RHOA: variants seen among roughly 807,000 people sequenced by gnomAD.
RHOA encodes the protein transforming protein RhoA.
RHOA carries 3 observed loss-of-function variants against 17.5 expected under a neutral mutation model. That is an observed-to-expected ratio of 0.17 (90% confidence interval 0.08 to 0.44). The LOEUF is 0.44. Among genes scored for constraint, RHOA ranks in the 20% least tolerant of loss-of-function variants. The pLI is 0.99. For synonymous variants in RHOA, 98 were observed against 88.4 expected (o/e 1.11, Z -0.61); for missense variants, 56 against 242.3 (o/e 0.23, Z 5.10).
intron 1 of RHOA, among the ~76,000 whole-genome samples, chr3:49,388,455 A>G (rs1362766585): frequency 6.6e-6 from 1 of 152,220 alleles, no homozygotes; most frequent in African/African-American, 2.4e-5. Flanking sequence ...ACTATAGCTC[A>G]TCTGCATTGC....
chr3:49,396,564 G>A (rs911466346), intron 1 of RHOA, among the ~76,000 whole-genome samples: 5 of 151,924 alleles, frequency 3.3e-5, no homozygotes, highest in African/African-American at 4.8e-5. Flanking sequence ...AAAATTAGCC[G>A]GACATGATGG....
At chr3:49,402,090 A>G (rs114776462) in intron 1 of RHOA, among the ~76,000 whole-genome samples, 2,263 of 152,278 alleles carry the variant, frequency 0.015, 46 homozygotes, top group African/African-American at 0.051. Flanking sequence ...TTCTTTGGGG[A>G]AAGACAGGCA....
intron 1 of RHOA, among the ~76,000 whole-genome samples, chr3:49,402,517 T>C: frequency 6.6e-6 from 1 of 151,132 alleles, no homozygotes; most frequent in Non-Finnish European, 1.5e-5. Flanking sequence ...CTATAAAAAT[T>C]AAATTAATTA....
intron 1 of RHOA, among the ~76,000 whole-genome samples, chr3:49,403,038 T>TAAA (rs34145759): frequency 1.4e-4 from 19 of 136,158 alleles, no homozygotes; most frequent in African/African-American, 2.5e-4. Context: ...TTCCATCTCA[T>TAAA]AAAAAAAAAA....
In RHOA at chr3:49,360,059, G is replaced by A. The variant is rs2047936223; in HGVS notation, c.*150C>T. On this transcript the variant is annotated 3_prime_UTR_variant, in exon 5 of 5. Transcript: ENST00000418115. ...GGGTTGGACATCGTTAATAATCATA[G>A]TTGGCTTCTAAATACTGGTAGCAAG... 19 of 902,978 alleles carry A rather than the reference G, an allele frequency of 2.1e-5. No individual in the cohort carries two copies. The highest frequency in any genetic ancestry group is 2.9e-5 in the Non-Finnish European group (18 of 616,250). The allele number at this position is 902,978 out of a possible 1,614,324, so 55.9% of individuals were successfully genotyped here. A position where few individuals can be genotyped will look rare whatever the true frequency, so the allele number is the denominator to read the frequency against.
At chr3:49,382,051 G>A (rs1407053195) in intron 1 of RHOA, among the ~76,000 whole-genome samples, 1 of 152,042 alleles carries the variant, frequency 6.6e-6, no homozygotes, top group Non-Finnish European at 1.5e-5. Context: ...CGGGCATGGT[G>A]GCTCACACCT....
At chr3:49,396,241 G>A (rs1037427916) in intron 1 of RHOA, among the ~76,000 whole-genome samples, 1 of 152,108 alleles carries the variant, frequency 6.6e-6, no homozygotes, top group Admixed American at 6.6e-5. Flanking sequence ...TTGAGAAAAC[G>A]TGGGCACTGA....
Position 49,360,149 on chromosome 3 carries a change from T to G in RHOA, c.*60A>C. The G allele has an allele frequency of 6.7e-7, 1 of 1,500,238 alleles. No homozygotes were observed. The highest frequency in any genetic ancestry group is 1.3e-5 in the South Asian group (1 of 79,660). 92.9% of individuals were successfully genotyped at this position (1,500,238 alleles called of 1,614,324 possible). On this transcript the variant is annotated 3_prime_UTR_variant, in exon 5 of 5. Transcript: ENST00000418115. The stretch of plus-strand genomic sequence containing the variant: ...ATGAAAAAGGCCAGTAATCATACAC[T>G]AAGATTAATAAACAGCACTTCAAAA...
chr3:49,394,972 G>A (rs376839749), intron 1 of RHOA, among the ~76,000 whole-genome samples: 38 of 152,158 alleles, frequency 2.5e-4, no homozygotes, highest in East Asian at 9.7e-4. Flanking sequence ...TTTGGCGGTC[G>A]GGCGCGGTGG....
At chr3:49,376,512 A>G (rs2048229642) in intron 1 of RHOA, among the ~76,000 whole-genome samples, 1 of 151,698 alleles carries the variant, frequency 6.6e-6, no homozygotes, top group Non-Finnish European at 1.5e-5. Context: ...GCATGGTGGC[A>G]GGCACCTGTA....
intron 2 of RHOA, among the ~76,000 whole-genome samples, chr3:49,374,874 T>C (rs551265039): frequency 6.6e-6 from 1 of 151,960 alleles, no homozygotes; most frequent in Non-Finnish European, 1.5e-5. Context: ...CTGGCCAACG[T>C]AGTGAAACCC....
In RHOA at chr3:49,411,976, C is replaced by A. The variant is rs185825300; in HGVS notation, c.-159G>T. The A allele has an allele frequency of 6.1e-4, 93 of 151,686 alleles. 1 individual carries two copies. In the East Asian group the frequency reaches 0.018, roughly 29 times the overall value. The allele number at this position is 151,686 out of a possible 1,614,324, so 9.4% of individuals were successfully genotyped here. A position where few individuals can be genotyped will look rare whatever the true frequency, so the allele number is the denominator to read the frequency against. On this transcript the variant is annotated 5_prime_UTR_variant, in exon 1 of 5. Transcript: ENST00000418115. ...GCGGCGGGAGGGTAGCGCGAGAGAG[C>A]GAGGGCGGGCGGCGGCGGGAGGGCG...
rs2047912446 is a variant in RHOA, at chr3:49,359,168, TTAG to T, written c.*1038_*1040del. ...AGTTTAGAAAACTGCCTTTATTCTA[TTAG>T]TAGTTGGAAAAATTAACTGGTACAG... On this transcript the variant is annotated 3_prime_UTR_variant, in exon 5 of 5. Coordinates refer to ENST00000418115, the MANE Select transcript of RHOA (RefSeq NM_001664.4). 5.5e-6 allele frequency: 1 copy of T among 182,556 alleles called. No homozygotes were observed. Among genetic ancestry groups the T allele is most frequent in the Non-Finnish European group, 1.2e-5 (1 of 85,484 alleles). 11.3% of individuals were successfully genotyped at this position (182,556 alleles called of 1,614,324 possible).
chr3:49,368,793 C>T (rs1353813281), intron 2 of RHOA, among the ~76,000 whole-genome samples: 2 of 150,114 alleles, frequency 1.3e-5, no homozygotes, highest in African/African-American at 2.5e-5. Flanking sequence ...CTGCAAGCTC[C>T]GTCTCCCGGG....
intron 2 of RHOA, among the ~76,000 whole-genome samples, chr3:49,371,482 T>C (rs1232607663): frequency 6.6e-6 from 1 of 152,050 alleles, no homozygotes; most frequent in Non-Finnish European, 1.5e-5. Flanking sequence ...GGTTTTGCCA[T>C]GTTGGGCAGG....
intron 1 of RHOA, among the ~76,000 whole-genome samples, chr3:49,390,054 C>T (rs893862050): frequency 1.3e-5 from 2 of 152,068 alleles, no homozygotes; most frequent in Admixed American, 6.6e-5. Context: ...GAGCCTTCCC[C>T]TCCTTTATTG....
Position 49,402,038 on chromosome 3 carries a change from A to C in RHOA, c.-3+9782T>G, listed in dbSNP as rs573418572. Among the ~76,000 whole-genome samples the C allele has an allele frequency of 5.9e-5, 9 of 152,292 alleles. No individual in the cohort carries two copies. The South Asian group carries it at 1.9e-3, about 32-fold the overall frequency. ...CACATGGTGGTAAGCAATGAAGAAA[A>C]CCTTCAATTTACTGCCAAGTGAAAA... On this transcript the variant is annotated intron_variant, in intron 1 of 4. Coordinates refer to ENST00000418115, the MANE Select transcript of RHOA (RefSeq NM_001664.4).
intron 1 of RHOA, among the ~76,000 whole-genome samples, chr3:49,385,950 A>G (rs1328999657): frequency 6.6e-6 from 1 of 152,158 alleles, no homozygotes; most frequent in Non-Finnish European, 1.5e-5. Context: ...GTCCACCTTT[A>G]TACTAGTACC....
At chr3:49,375,309 G>C (rs1335017539) in intron 2 of RHOA, 125 bp downstream of exon 2, 10 of 882,562 alleles carry the variant, frequency 1.1e-5, no homozygotes, top group Non-Finnish European at 1.5e-5. Context: ...GATGAGAATG[G>C]ATTCTTCTTT....
Sources: gnomAD v4.1 joint callset for allele counts (sites outside exome capture counted in the v4.1 genomes callset) on GRCh38, gnomAD v4.1.1 for gene constraint, MANE v1.5 for transcripts, NCBI Gene and HGNC (gene_info 2026-07-23, HGNC 2026-07-21) for gene names.